Variants in ADRA1A observed in about 807,000 individuals in gnomAD.
ADRA1A encodes the protein adrenoceptor alpha 1A.
A neutral mutation model predicts 29.6 loss-of-function variants in ADRA1A; 31 were observed. The ratio of observed to expected loss-of-function variants is 1.05; its 90% CI spans 0.79 to 1.41. The LOEUF is 1.41. ADRA1A is among the 40% of genes most tolerant of loss of function. ADRA1A has a pLI of 0.00. For synonymous variants in ADRA1A, 311 were observed against 254.3 expected (o/e 1.22, Z -2.12); for missense variants, 619 against 601.1 (o/e 1.03, Z -0.31).
At chr8:26,756,926 A>T in intron 2 of ADRA1A, 1 of 1,252,066 alleles carries the variant, frequency 8.0e-7, no homozygotes, top group East Asian at 2.5e-5. Context: ...CCAAGTTCAG[A>T]CTTCAGTAGA....
intron 2 of ADRA1A, chr8:26,771,667 C>G (rs1388585578): frequency 1.3e-5 from 2 of 152,378 alleles, no homozygotes; most frequent in South Asian, 4.1e-4. Flanking sequence ...GCTTATTTAG[C>G]CTTTTCCCAG....
At chr8:26,756,025 G>A (rs146979481), downstream of ADRA1A, among the ~76,000 whole-genome samples, 845 of 152,158 alleles carry the variant, frequency 5.6e-3, 14 homozygotes, top group African/African-American at 0.019. Context: ...ATGGAAGAAC[G>A]GCATGTGGCC....
chr8:26,842,451 T>A (rs1240538428), intron 2 of ADRA1A, among the ~76,000 whole-genome samples: 1 of 152,192 alleles, frequency 6.6e-6, no homozygotes, highest in African/African-American at 2.4e-5. Flanking sequence ...CAAAAGCCTC[T>A]TTTATTAATT....
At position 26,815,628 on chromosome 8, in the gene ADRA1A, C is replaced by T. The variant is rs1160286606; in HGVS notation, c.884-44962G>A. On this transcript the variant is annotated intron_variant, in intron 2 of 2. Transcript: ENST00000380573. The surrounding 1 kb of genome is among the most constrained non-coding windows in gnomAD (Gnocchi z 4.2). The stretch of plus-strand genomic sequence containing the variant: ...TAGTGAAAGGTAGATGACTAGGAAC[C>T]TGATCAGTCTCAGCCTGGATACTGT... Among the ~76,000 whole-genome samples, 2 of 152,192 alleles carry T rather than the reference C, an allele frequency of 1.3e-5. No homozygotes were observed. Among genetic ancestry groups the T allele is most frequent in the Admixed American group, 6.5e-5 (1 of 15,288 alleles).
Position 26,867,185 on chromosome 8 carries a change from T to C in ADRA1A, c.-936A>G, listed in dbSNP as rs2130809053. 2 of 985,432 alleles carry C rather than the reference T, an allele frequency of 2.0e-6. No individual in the cohort carries two copies. The highest frequency in any genetic ancestry group is 9.4e-5 in the South Asian group (2 of 21,284). The allele number at this position is 985,432 out of a possible 1,614,324, so 61.0% of individuals were successfully genotyped here. A position where few individuals can be genotyped will look rare whatever the true frequency, so the allele number is the denominator to read the frequency against. The stretch of plus-strand genomic sequence containing the variant: ...ATAAGAAAAGAAAAAAAAATGCAGA[T>C]AACCGGTAACTCCACAATCACCCTT... On this transcript the variant is annotated 5_prime_UTR_variant, in exon 1 of 3. Coordinates refer to ENST00000380573, the MANE Select transcript of ADRA1A (RefSeq NM_000680.4).
At position 26,848,294 on chromosome 8, in the gene ADRA1A, T is replaced by G. The variant is rs939696882; in HGVS notation, c.883+15793A>C. ...TAATATGGATGGAAAGTTTGTGTCC[T>G]CCCCAAATCCACATGTTGAAACCCT... On this transcript the variant is annotated intron_variant, in intron 2 of 2. Transcript: ENST00000380573. This position sits in a 1 kb window ranked among gnomAD's most constrained non-coding sequence, Gnocchi z 4.3. 6.6e-6 allele frequency among the ~76,000 whole-genome samples: 1 copy of G among 152,306 alleles called. No individual in the cohort carries two copies. Among genetic ancestry groups the G allele is most frequent in the South Asian group, 2.1e-4 (1 of 4,826 alleles).
intron 2 of ADRA1A, among the ~76,000 whole-genome samples, chr8:26,827,154 C>G (rs1318187211): frequency 3.3e-4 from 50 of 152,136 alleles, no homozygotes; most frequent in Admixed American, 3.1e-3. Flanking sequence ...TAAAGGTTAA[C>G]CTTTTTATTA....
intron 2 of ADRA1A, among the ~76,000 whole-genome samples, chr8:26,839,292 G>T (rs1404598857): frequency 3.3e-5 from 5 of 151,798 alleles, no homozygotes; most frequent in Non-Finnish European, 7.4e-5. Context: ...CTAAGTAGCT[G>T]GGACTACAGG....
chr8:26,822,032 A>G (rs1015485860), intron 2 of ADRA1A, among the ~76,000 whole-genome samples: 1 of 152,216 alleles, frequency 6.6e-6, no homozygotes, highest in Non-Finnish European at 1.5e-5. Flanking sequence ...GGCTATTACA[A>G]ATAAAGCTGC....
intron 2 of ADRA1A, among the ~76,000 whole-genome samples, chr8:26,780,799 G>A (rs1806921874): frequency 6.6e-6 from 1 of 152,072 alleles, no homozygotes; most frequent in East Asian, 1.9e-4. Flanking sequence ...ATTCCAATAG[G>A]AGCACCAACC....
chr8:26,755,525 C>T (rs755930895), downstream of ADRA1A, among the ~76,000 whole-genome samples: 13 of 152,184 alleles, frequency 8.5e-5, no homozygotes, highest in Non-Finnish European at 1.8e-4. Context: ...GCAGCACCCC[C>T]AGCACACGCC....
chr8:26,835,388 G>T (rs1371578053), intron 2 of ADRA1A, among the ~76,000 whole-genome samples: 1 of 152,192 alleles, frequency 6.6e-6, no homozygotes, highest in Non-Finnish European at 1.5e-5. Context: ...ACATACCCAA[G>T]ACTGGGTAAT....
chr8:26,776,506 A>G (rs1392687710), intron 2 of ADRA1A, among the ~76,000 whole-genome samples: 1 of 152,222 alleles, frequency 6.6e-6, no homozygotes, highest in East Asian at 1.9e-4. Context: ...TTATATGTGA[A>G]GACAGCAAGG....
intron 2 of ADRA1A, among the ~76,000 whole-genome samples, chr8:26,847,225 T>A (rs1812273151): frequency 6.6e-6 from 1 of 150,574 alleles, no homozygotes; most frequent in Non-Finnish European, 1.5e-5. Flanking sequence ...ATAATAATAA[T>A]AAATAAAAAA....
Position 26,864,384 on chromosome 8 carries a change from G to A in ADRA1A, c.586C>T (p.Pro196Ser). ...LFSALGSFYL[P>S]LAIILVMYCR... Reference sequence around the variant, plus strand: ...TACATGACCAGGATGATGGCCAGAGGCAGGTAGAAGGAGCCCAGCGCTGAG... The same window carrying A: ...TACATGACCAGGATGATGGCCAGAGACAGGTAGAAGGAGCCCAGCGCTGAG... Residue 196 changes from proline to serine, a missense_variant, in exon 2 of 3, where the codon CCT becomes TCT. Physicochemically the swap from Pro to Ser is moderately conservative, Grantham distance 74. Coordinates refer to ENST00000380573, the MANE Select transcript of ADRA1A (RefSeq NM_000680.4). This position sits in a 1 kb window ranked among gnomAD's most constrained non-coding sequence, Gnocchi z 8.1. 1 of 1,613,850 alleles carries A rather than the reference G, an allele frequency of 6.2e-7. No homozygotes were observed. Among genetic ancestry groups the A allele is most frequent in the East Asian group, 2.2e-5 (1 of 44,872 alleles).
At chr8:26,762,580 T>G (rs1805565249), downstream of ADRA1A, among the ~76,000 whole-genome samples, 1 of 149,446 alleles carries the variant, frequency 6.7e-6, no homozygotes, top group African/African-American at 2.5e-5. This position sits in a 1 kb window ranked among gnomAD's most constrained non-coding sequence, Gnocchi z 4.0. Flanking sequence ...AAGGGGAGAG[T>G]GGAATAATGG....
At chr8:26,766,663 G>C (rs60446966), downstream of ADRA1A, among the ~76,000 whole-genome samples, 1 of 152,262 alleles carries the variant, frequency 6.6e-6, no homozygotes, top group East Asian at 1.9e-4. Flanking sequence ...TTGAGGAAGG[G>C]GGGCTATGGA....
chr8:26,811,496 C>A (rs567293566), intron 2 of ADRA1A, among the ~76,000 whole-genome samples: 237 of 152,330 alleles, frequency 1.6e-3, no homozygotes, highest in South Asian at 1.7e-3. Context: ...CTGGCCCTCA[C>A]TGTCTAGCTT....
At chr8:26,750,421 C>T (rs959829651) in intron 2 of ADRA1A, among the ~76,000 whole-genome samples, 5 of 152,088 alleles carry the variant, frequency 3.3e-5, no homozygotes, top group South Asian at 2.1e-4. Flanking sequence ...AGGCTGGTCT[C>T]GAACTCCTGA....
Sources: allele counts gnomAD v4.1 joint callset (sites outside exome capture counted in the v4.1 genomes callset), GRCh38; gene constraint gnomAD v4.1.1; non-coding constraint Gnocchi (gnomAD v3.1); transcripts MANE v1.5; gene names NCBI Gene and HGNC (gene_info 2026-07-23, HGNC 2026-07-21).